Variants in BRD1 observed in about 807,000 individuals in gnomAD.
The protein encoded by BRD1 is bromodomain containing 1.
BRD1 carries 24 observed loss-of-function variants against 107.7 expected under a neutral mutation model. The ratio of observed to expected loss-of-function variants is 0.22; its 90% CI spans 0.16 to 0.31. The LOEUF (loss-of-function observed/expected upper bound fraction) is 0.31. Among genes scored for constraint, BRD1 ranks in the 10% least tolerant of loss-of-function variants. BRD1 has a pLI of 1.00. For synonymous variants in BRD1, 744 were observed against 686.1 expected (o/e 1.08, Z -1.32); for missense variants, 1,279 against 1,638.6 (o/e 0.78, Z 3.79).
At chr22:49,797,748 CAG>C (rs748746965) in intron 6 of BRD1, 55 bp downstream of exon 6, 3 of 1,514,490 alleles carry the variant, frequency 2.0e-6, no homozygotes, top group East Asian at 2.3e-5. Context: ...CAGAGCAGGA[CAG>C]AGTCTGCTAG....
Position 49,799,208 on chromosome 22 carries a change from C to A in BRD1, c.1525-89G>T. The A allele has an allele frequency of 5.3e-6, 8 of 1,518,558 alleles. No homozygotes were observed. In the South Asian group the frequency reaches 7.5e-5, roughly 14 times the overall value. 94.1% of individuals were successfully genotyped at this position (1,518,558 alleles called of 1,614,324 possible). A position where few individuals can be genotyped will look rare whatever the true frequency, so the allele number is the denominator to read the frequency against. On this transcript the variant is annotated intron_variant, in intron 3 of 12. Transcript: ENST00000404760. ...ACCATGCAGGTGAGACCCCAAGAGG[C>A]ATCCACGTCAGGGGTCCTGCAGGCC...
intron 5 of BRD1, among the ~76,000 whole-genome samples, 189 bp from the exon 6 acceptor site, chr22:49,798,306 C>T (rs530433308): frequency 1.3e-5 from 2 of 152,332 alleles, no homozygotes; most frequent in Admixed American, 1.3e-4. Flanking sequence ...AGCTAAAGCA[C>T]GCTGGAGGGT....
Position 49,798,604 on chromosome 22 carries a change from T to C in BRD1, c.1739A>G (p.Asp580Gly). 6.2e-7 allele frequency: 1 copy of C among 1,614,172 alleles called. No homozygotes were observed. The highest frequency in any genetic ancestry group is 8.5e-7 in the Non-Finnish European group (1 of 1,180,026). The stretch of plus-strand genomic sequence containing the variant: ...CGCAAATATCCTGGCGGGGTCCTTG[T>C]CTTGCAGCTGGTCCAGCACTGAGCG... ...LLRSVLDQLQDKDPARIFAQP... is the reference protein window; with the variant it reads ...LLRSVLDQLQGKDPARIFAQP... The change falls in exon 5 of 13, where the codon GAC (aspartate) becomes GGC (glycine). Residue 580 changes from aspartate to glycine, a missense_variant. Physicochemically the swap from Asp to Gly is moderately conservative, Grantham distance 94 (BLOSUM62 -1). Coordinates refer to ENST00000404760, the MANE Select transcript of BRD1 (RefSeq NM_001304808.3).
chr22:49,810,171 C>G (rs113177200), intron 2 of BRD1, among the ~76,000 whole-genome samples: 6,145 of 152,202 alleles, frequency 0.04, 457 homozygotes, highest in African/African-American at 0.14. Context: ...AGCAAGCAAG[C>G]AAGCCCCACA....
intron 2 of BRD1, chr22:49,818,315 C>T (rs902549378): frequency 4.0e-5 from 51 of 1,275,700 alleles, no homozygotes; most frequent in Admixed American, 2.3e-5. Flanking sequence ...GGAACCAAAC[C>T]GACACAGGCC....
rs753084109 is a variant in BRD1 at position 49,777,018 on chromosome 22, G to C, written c.3121+16C>G. The C allele has an allele frequency of 1.2e-6, 2 of 1,612,888 alleles. No individual in the cohort carries two copies. The highest frequency in any genetic ancestry group is 1.7e-5 in the Admixed American group (1 of 60,036). Reference sequence around the variant, plus strand: ...GGAGGTGTGGAGAGCCATGGAGGCAGGTCCGGGCGACTCACCGGCTGCGAT... The same window carrying C: ...GGAGGTGTGGAGAGCCATGGAGGCACGTCCGGGCGACTCACCGGCTGCGAT... On this transcript the variant is annotated intron_variant, in intron 10 of 12. Transcript: ENST00000404760.
At chr22:49,810,749 G>A (rs1171254147) in intron 2 of BRD1, among the ~76,000 whole-genome samples, 3 of 152,170 alleles carry the variant, frequency 2.0e-5, no homozygotes, top group Admixed American at 2.0e-4. Context: ...AAACCCCCGA[G>A]CGATCGCTGC....
intron 6 of BRD1, among the ~76,000 whole-genome samples, chr22:49,796,368 T>G (rs568847613): frequency 4.6e-5 from 7 of 150,928 alleles, no homozygotes; most frequent in African/African-American, 1.5e-4. Context: ...TTTTCTTTTT[T>G]TTTTTGGAGA....
intron 2 of BRD1, among the ~76,000 whole-genome samples, chr22:49,811,878 T>C (rs1456860991): frequency 1.3e-5 from 2 of 152,244 alleles, no homozygotes; most frequent in African/African-American, 4.8e-5. Flanking sequence ...TGGGTGGGTT[T>C]GTGGGCATTG....
At position 49,823,335 on chromosome 22, in the gene BRD1, T is replaced by G. The variant is rs780644779; in HGVS notation, c.983A>C (p.Tyr328Ser). 68 of 1,613,988 alleles carry G rather than the reference T, an allele frequency of 4.2e-5. No individual in the cohort carries two copies. The highest frequency in any genetic ancestry group is 5.3e-5 in the Non-Finnish European group (62 of 1,180,034). ...IPPARWKLTC[Y>S]LCKQKGVGAC... The stretch of plus-strand genomic sequence containing the variant: ...ACCCACGCCCTTCTGCTTACAGAGG[T>G]AGCATGTCAGTTTCCACCGGGCTGG... Residue 328 changes from tyrosine (Y) to serine (S), a missense_variant, in exon 2 of 13, where the codon TAC becomes TCC. Around this residue, in one of 7 missense-constraint regions of BRD1, gnomAD observed 158 missense variants for 310.2 expected, o/e 0.51. Coordinates refer to ENST00000404760, the MANE Select transcript of BRD1 (RefSeq NM_001304808.3).
chr22:49,805,833 C>G (rs539530785), intron 2 of BRD1: 2 of 152,050 alleles, frequency 1.3e-5, no homozygotes, highest in Non-Finnish European at 2.9e-5. Context: ...CCTCCGCCTC[C>G]CGGGTTCAAG....
chr22:49,777,654 G>A, intron 9 of BRD1, 24 bp downstream of exon 9: 2 of 1,596,606 alleles, frequency 1.3e-6, no homozygotes, highest in East Asian at 4.5e-5. Flanking sequence ...TGCGTGGTGG[G>A]AAGCGCAGGG....
rs945892063 is a variant in BRD1, at chr22:49,803,423, G to T, written c.1524+781C>A. On this transcript the variant is annotated intron_variant, in intron 3 of 12. Transcript: ENST00000404760. This position sits in a 1 kb window ranked among gnomAD's most constrained non-coding sequence, Gnocchi z 4.4. Reference sequence around the variant, plus strand: ...CCAGCAGCAGACAGCTCTTCCAAAAGACCAGCGGCTCCTCACTAGGCAGCG... The same window carrying T: ...CCAGCAGCAGACAGCTCTTCCAAAATACCAGCGGCTCCTCACTAGGCAGCG... Among the ~76,000 whole-genome samples, 3 of 152,218 alleles carry T rather than the reference G, an allele frequency of 2.0e-5. No individual in the cohort carries two copies. The highest frequency in any genetic ancestry group is 4.4e-5 in the Non-Finnish European group (3 of 68,036).
intron 8 of BRD1, 92 bp downstream of exon 8, chr22:49,787,296 GAC>G (rs2059344660): frequency 3.3e-6 from 4 of 1,207,984 alleles, no homozygotes; most frequent in East Asian, 6.4e-5. Flanking sequence ...ACAGAAGCTG[GAC>G]ACCCCCCCCC....
At chr22:49,789,527 A>G (rs2059392917) in intron 7 of BRD1, among the ~76,000 whole-genome samples, 1 of 139,366 alleles carries the variant, frequency 7.2e-6, no homozygotes, top group African/African-American at 2.7e-5. Context: ...TGATTACGAC[A>G]TTCAACTGCT....
chr22:49,800,676 C>T lies in BRD1; in HGVS notation c.1525-1557G>A, dbSNP rs1022438058. ...AGTGGCAGGGGCCCCGTTGACAGCA[C>T]CTGGGCCCAAGGTCCCATGACACAT... On this transcript the variant is annotated intron_variant, in intron 3 of 12. Coordinates refer to ENST00000404760, the MANE Select transcript of BRD1 (RefSeq NM_001304808.3). 7.9e-5 allele frequency among the ~76,000 whole-genome samples: 12 copies of T among 152,320 alleles called. No individual in the cohort carries two copies. In the East Asian group the frequency reaches 1.9e-3, roughly 24 times the overall value.
At chr22:49,800,735 T>C (rs1025815512) in intron 3 of BRD1, among the ~76,000 whole-genome samples, 1 of 152,192 alleles carries the variant, frequency 6.6e-6, no homozygotes, top group African/African-American at 2.4e-5. Context: ...TCAAGGTTCC[T>C]TACTCGGCTC....
At chr22:49,797,508 A>C (rs1273363370) in intron 6 of BRD1, among the ~76,000 whole-genome samples, 2 of 152,230 alleles carry the variant, frequency 1.3e-5, no homozygotes, top group African/African-American at 4.8e-5. Flanking sequence ...CTGAGCGTAA[A>C]ATACACATCA....
At chr22:49,819,358 G>A (rs1246659709) in intron 2 of BRD1, among the ~76,000 whole-genome samples, 9 of 151,640 alleles carry the variant, frequency 5.9e-5, no homozygotes, top group East Asian at 1.9e-4. Flanking sequence ...TTGGGAGGCC[G>A]AGGCAGGCAG....
Sources: allele counts gnomAD v4.1 joint callset (sites outside exome capture counted in the v4.1 genomes callset), GRCh38; gene constraint gnomAD v4.1.1; regional missense constraint gnomAD v4.1.1; non-coding constraint Gnocchi (gnomAD v3.1); transcripts MANE v1.5; gene names NCBI Gene and HGNC (gene_info 2026-07-23, HGNC 2026-07-21).